CPNE2: variants seen among roughly 807,000 people sequenced by gnomAD.
CPNE2 encodes the protein copine 2.
CPNE2 carries 42 observed loss-of-function variants against 69.7 expected under a neutral mutation model. The ratio of observed to expected loss-of-function variants is 0.60; its 90% confidence interval spans 0.47 to 0.78. CPNE2 has a LOEUF of 0.78. Among genes scored for constraint, CPNE2 ranks in the 30% least tolerant of loss-of-function variants. CPNE2 has a pLI of 0.00. For synonymous variants in CPNE2, 294 were observed against 289.8 expected (o/e 1.01, Z -0.15); for missense variants, 587 against 732.0 (o/e 0.80, Z 2.29).
intron 12 of CPNE2, among the ~76,000 whole-genome samples, chr16:57,128,778 C>T (rs1259025457): frequency 6.6e-6 from 1 of 152,198 alleles, no homozygotes; most frequent in Non-Finnish European, 1.5e-5. Flanking sequence ...GTGGAGTCCT[C>T]AGTGTCTGTT....
intron 1 of CPNE2, among the ~76,000 whole-genome samples, chr16:57,101,334 C>T (rs1335726164): frequency 6.6e-6 from 1 of 152,214 alleles, no homozygotes; most frequent in Non-Finnish European, 1.5e-5. Context: ...TGGATCTTCT[C>T]ATCTGGGAAA....
chr16:57,105,007 G>C (rs765077828), intron 1 of CPNE2, among the ~76,000 whole-genome samples: 6 of 152,298 alleles, frequency 3.9e-5, no homozygotes, highest in Non-Finnish European at 5.9e-5. Context: ...GTGTGACCTG[G>C]ATGAGGAGGT....
chr16:57,115,746 G>C (rs1421429803), intron 4 of CPNE2, among the ~76,000 whole-genome samples, 196 bp downstream of exon 4: 2 of 152,230 alleles, frequency 1.3e-5, no homozygotes, highest in African/African-American at 2.4e-5. Flanking sequence ...ACAAGCTGGG[G>C]AGGCCTCCAG....
intron 4 of CPNE2, 52 bp from the exon 5 acceptor site, chr16:57,117,444 C>T: frequency 6.3e-7 from 1 of 1,585,122 alleles, no homozygotes; most frequent in East Asian, 2.3e-5. Context: ...GCCATCCTGC[C>T]TGGCAGGAGG....
At chr16:57,100,833 G>A (rs1338527538) in intron 1 of CPNE2, among the ~76,000 whole-genome samples, 1 of 152,148 alleles carries the variant, frequency 6.6e-6, no homozygotes, top group African/African-American at 2.4e-5. Flanking sequence ...TGGGCTCTCT[G>A]AGCTCCCACA....
chr16:57,121,877 C>A, intron 9 of CPNE2, 117 bp downstream of exon 9: 1 of 906,518 alleles, frequency 1.1e-6, no homozygotes, highest in Non-Finnish European at 1.7e-6. Flanking sequence ...GGCTCTGCCA[C>A]ATCCTGGCCC....
chr16:57,121,557 T>C, intron 8 of CPNE2, 117 bp from the exon 9 acceptor site: 2 of 1,001,216 alleles, frequency 2.0e-6, no homozygotes, highest in Admixed American at 2.1e-5. Flanking sequence ...GGAGGCTCCC[T>C]GGAGGAAGCA....
In CPNE2 at chr16:57,147,531, C is replaced by T. The variant is rs1407140065; in HGVS notation, c.1540-20C>T. ...TCCTTATTCTCTCTCTTCCCCACCCCACCCTCCTCCACCCTGCAGGCAGCA... is the reference window on the plus strand; with the variant it reads ...TCCTTATTCTCTCTCTTCCCCACCCTACCCTCCTCCACCCTGCAGGCAGCA... On this transcript the variant is annotated intron_variant, in intron 15 of 15. Coordinates refer to ENST00000290776, the MANE Select transcript of CPNE2 (RefSeq NM_152727.6). 5.9e-6 allele frequency: 9 copies of T among 1,534,122 alleles called. No homozygotes were observed. Among genetic ancestry groups the T allele is most frequent in the African/African-American group, 1.4e-5 (1 of 72,790 alleles).
At chr16:57,137,020 A>ATAGCTTC in intron 13 of CPNE2, 129 bp from the exon 14 acceptor site, 3 of 1,350,850 alleles carry the variant, frequency 2.2e-6, no homozygotes, top group Non-Finnish European at 2.0e-6. Context: ...AGTCTGTCTC[A>ATAGCTTC]CAAGGCCTAT....
At chr16:57,101,853 C>T (rs1326126664) in intron 1 of CPNE2, among the ~76,000 whole-genome samples, 1 of 152,230 alleles carries the variant, frequency 6.6e-6, no homozygotes, top group Non-Finnish European at 1.5e-5. Context: ...ACATCAGAAC[C>T]ACCAGCAGAG....
At chr16:57,122,728 G>A (rs749772869) in intron 9 of CPNE2, among the ~76,000 whole-genome samples, 41 of 152,260 alleles carry the variant, frequency 2.7e-4, no homozygotes, top group Admixed American at 4.6e-4. Context: ...AAATAGCTGG[G>A]ATTACAGGTG....
rs1477729071 is a variant in CPNE2 at position 57,130,444 on chromosome 16, C to T, written c.1116+2541C>T. Reference sequence around the variant, plus strand: ...AGGCAGATGAAGCGGAGACTGAGCCCGGGGGCAGAGCAGGGAGGAAGTGAA... The same window carrying T: ...AGGCAGATGAAGCGGAGACTGAGCCTGGGGGCAGAGCAGGGAGGAAGTGAA... On this transcript the variant is annotated intron_variant, in intron 12 of 15. Coordinates refer to ENST00000290776, the MANE Select transcript of CPNE2 (RefSeq NM_152727.6). The surrounding 1 kb of genome is among the most constrained non-coding windows in gnomAD (Gnocchi z 4.1). Among the ~76,000 whole-genome samples the T allele has an allele frequency of 1.3e-5, 2 of 151,886 alleles. No individual in the cohort carries two copies. Among genetic ancestry groups the T allele is most frequent in the Non-Finnish European group, 2.9e-5 (2 of 67,984 alleles).
chr16:57,126,180 C>G lies in CPNE2; in HGVS notation c.1061+187C>G, dbSNP rs139855005. Among the ~76,000 whole-genome samples the G allele has an allele frequency of 2.6e-5, 4 of 152,360 alleles. No homozygotes were observed. The East Asian group carries it at 7.7e-4, about 29-fold the overall frequency. Reference sequence around the variant, plus strand: ...TGCTAATCAATTGCTGAACTCTAACCTGCCAAGCGCAGATTCAAACTGGGA... The same window carrying G: ...TGCTAATCAATTGCTGAACTCTAACGTGCCAAGCGCAGATTCAAACTGGGA... On this transcript the variant is annotated intron_variant, in intron 11 of 15. Coordinates refer to ENST00000290776, the MANE Select transcript of CPNE2 (RefSeq NM_152727.6).
chr16:57,147,360 CAG>C (rs10580446), intron 15 of CPNE2, 189 bp from the exon 16 acceptor site: 29,246 of 414,470 alleles, frequency 0.071, 1,224 homozygotes, highest in Middle Eastern at 0.11. Context: ...GCACTGCGAT[CAG>C]GGGGAATTTC....
At chr16:57,106,602 C>T (rs1445358216) in intron 1 of CPNE2, among the ~76,000 whole-genome samples, 1 of 150,386 alleles carries the variant, frequency 6.6e-6, no homozygotes, top group Non-Finnish European at 1.5e-5. Flanking sequence ...GCCTGACACC[C>T]TCAGGATGAG....
At chr16:57,125,133 T>C (rs2069791356) in intron 10 of CPNE2, 1 of 351,028 alleles carries the variant, frequency 2.8e-6, no homozygotes, top group Non-Finnish European at 5.8e-6. Context: ...GCAGGGGTTG[T>C]TCTTGCCTAC....
At chr16:57,112,938 G>A (rs1445435216) in intron 2 of CPNE2, 1 of 196,176 alleles carries the variant, frequency 5.1e-6, no homozygotes, top group Non-Finnish European at 1.0e-5. Flanking sequence ...GATGGGGAAA[G>A]GGCCTTGTCC....
rs752735294 is a variant in CPNE2 at position 57,121,637 on chromosome 16, C to CCCCG, written c.781-36_781-33dup. The CCCCG allele has an allele frequency of 2.5e-6, 4 of 1,594,894 alleles. No homozygotes were observed. The Admixed American group carries it at 6.7e-5, about 27-fold the overall frequency. On this transcript the variant is annotated intron_variant, in intron 8 of 15. Coordinates refer to ENST00000290776, the MANE Select transcript of CPNE2 (RefSeq NM_152727.6). Reference sequence around the variant, plus strand: ...GGAGGAGGATCTGTTTCCAAAGAAGCCCCGAGGTGAGTGTCTCTTTCTTTT... The same window carrying CCCCG: ...GGAGGAGGATCTGTTTCCAAAGAAGCCCCGCCCGAGGTGAGTGTCTCTTTCTTTT...
intron 10 of CPNE2, chr16:57,125,284 C>A (rs1425032403): frequency 8.8e-6 from 4 of 455,984 alleles, no homozygotes; most frequent in African/African-American, 6.0e-5. Context: ...CAGCCCTGGG[C>A]CAGGCTTCTC....
Sources: gnomAD v4.1 joint callset for allele counts (sites outside exome capture counted in the v4.1 genomes callset) on GRCh38, gnomAD v4.1.1 for gene constraint, Gnocchi (gnomAD v3.1) non-coding constraint, MANE v1.5 for transcripts, NCBI Gene and HGNC (gene_info 2026-07-23, HGNC 2026-07-21) for gene names.